Variants in CHL1 observed in about 807,000 individuals in gnomAD.
The protein encoded by CHL1 is neural cell adhesion molecule L1-like protein.
CHL1 carries 96 observed loss-of-function variants against 141.9 expected under a neutral mutation model. The ratio of observed to expected loss-of-function variants is 0.68; its 90% CI spans 0.57 to 0.80. The LOEUF is 0.80. Ranked by LOEUF, CHL1 falls within the 30% of genes least tolerant of loss-of-function variation. The probability of loss-of-function intolerance (pLI) is 0.00; values close to 1 mark genes in which losing one functional copy is unlikely to be tolerated. For synonymous variants in CHL1, 613 were observed against 502.2 expected (o/e 1.22, Z -2.95); for missense variants, 1,820 against 1,457.2 (o/e 1.25, Z -4.05).
chr3:250,462 G>A (rs1406294366), intron 2 of CHL1, among the ~76,000 whole-genome samples: 1 of 152,108 alleles, frequency 6.6e-6, no homozygotes, highest in Non-Finnish European at 1.5e-5. Flanking sequence ...CCTAGTGGAA[G>A]ATTAGGGTTA....
intron 16 of CHL1, 108 bp from the exon 17 acceptor site, chr3:382,071 T>C (rs920577584): frequency 1.2e-6 from 1 of 844,462 alleles, no homozygotes; most frequent in Non-Finnish European, 1.9e-6. Flanking sequence ...CCCAGGTCCC[T>C]AAGAGGGTGG....
intron 5 of CHL1, among the ~76,000 whole-genome samples, chr3:333,209 G>T (rs1701604281): frequency 7.5e-6 from 1 of 133,964 alleles, no homozygotes; most frequent in African/African-American, 2.7e-5. Flanking sequence ...AGCCTCTCCT[G>T]AAATTACTTC....
intron 2 of CHL1, among the ~76,000 whole-genome samples, chr3:274,777 T>G (rs3913286): frequency 0.099 from 15,059 of 152,228 alleles, 1,112 homozygotes; most frequent in East Asian, 0.42. Flanking sequence ...TCAAAACTGA[T>G]GCACAATTTT....
chr3:337,591 C>G (rs754711684), intron 5 of CHL1, among the ~76,000 whole-genome samples: 2 of 151,036 alleles, frequency 1.3e-5, no homozygotes, highest in African/African-American at 2.4e-5. Context: ...TGTTCAATTC[C>G]CACTTATGAG....
chr3:375,485 G>A (rs992192360), intron 15 of CHL1, among the ~76,000 whole-genome samples: 5 of 151,856 alleles, frequency 3.3e-5, no homozygotes, highest in African/African-American at 9.7e-5. Context: ...AGTTGAAGAT[G>A]CAAAGATGAA....
chr3:251,309 C>G (rs162738), intron 2 of CHL1, among the ~76,000 whole-genome samples: 1 of 151,938 alleles, frequency 6.6e-6, no homozygotes, highest in Non-Finnish European at 1.5e-5. Context: ...GTAGATAATG[C>G]ACTGAGAATG....
chr3:211,973 C>G (rs765810943), intron 1 of CHL1, among the ~76,000 whole-genome samples: 3 of 152,058 alleles, frequency 2.0e-5, no homozygotes, highest in Admixed American at 6.6e-5. Context: ...CTGATTTTGT[C>G]TTAAGTTATT....
chr3:333,101 C>T (rs1313693525), intron 5 of CHL1, among the ~76,000 whole-genome samples: 1 of 124,660 alleles, frequency 8.0e-6, no homozygotes, highest in South Asian at 2.7e-4. Flanking sequence ...TGGATCTGAG[C>T]TACGTTGTTG....
chr3:260,819 CA>C (rs1694648411), intron 2 of CHL1, among the ~76,000 whole-genome samples: 1 of 152,134 alleles, frequency 6.6e-6, no homozygotes, highest in South Asian at 2.1e-4. Context: ...CAATAAGAAA[CA>C]AATAAGATTA....
intron 10 of CHL1, among the ~76,000 whole-genome samples, chr3:350,024 G>A (rs1238985743): frequency 6.6e-6 from 1 of 152,170 alleles, no homozygotes; most frequent in Non-Finnish European, 1.5e-5. Flanking sequence ...GCAAATTGTT[G>A]TGTCAGCTCT....
intron 2 of CHL1, among the ~76,000 whole-genome samples, chr3:305,804 T>C (rs774113205): frequency 7.2e-5 from 11 of 151,950 alleles, no homozygotes; most frequent in Non-Finnish European, 1.6e-4. Context: ...AAATTTTTAC[T>C]GAATACGTTC....
intron 1 of CHL1, among the ~76,000 whole-genome samples, chr3:222,902 T>C (rs970814878): frequency 6.6e-6 from 1 of 152,182 alleles, no homozygotes; most frequent in Admixed American, 6.5e-5. Context: ...ATCCTTCATT[T>C]TTATAGCCAG....
At chr3:365,895 ATAACAAAG>A in intron 14 of CHL1, 47 bp from the exon 15 acceptor site, 1 of 1,464,692 alleles carries the variant, frequency 6.8e-7, no homozygotes, top group Non-Finnish European at 9.4e-7. Context: ...CAGGCACTTA[ATAACAAAG>A]TAAGTTACGC....
intron 2 of CHL1, among the ~76,000 whole-genome samples, chr3:318,721 C>T (rs1363482581): frequency 6.6e-6 from 1 of 150,954 alleles, no homozygotes; most frequent in Non-Finnish European, 1.5e-5. Context: ...TTCTTTTGTT[C>T]TTTATTATTT....
chr3:367,844 T>C (rs1402089636), intron 15 of CHL1, among the ~76,000 whole-genome samples: 1 of 152,064 alleles, frequency 6.6e-6, no homozygotes, highest in East Asian at 1.9e-4. Flanking sequence ...TCTGTGTCCA[T>C]ATGTTCTCAT....
chr3:395,858 AG>A (rs1708625263), intron 24 of CHL1, among the ~76,000 whole-genome samples: 1 of 152,158 alleles, frequency 6.6e-6, no homozygotes, highest in Non-Finnish European at 1.5e-5. Flanking sequence ...AACATCACAG[AG>A]GGGAAAAATA....
intron 8 of CHL1, among the ~76,000 whole-genome samples, chr3:344,200 G>A (rs983915104): frequency 6.6e-5 from 10 of 152,150 alleles, no homozygotes; most frequent in East Asian, 1.9e-4. Flanking sequence ...CAGAAACCTC[G>A]TTAAATTCTT....
intron 1 of CHL1, among the ~76,000 whole-genome samples, chr3:221,923 G>A (rs1200165461): frequency 6.6e-6 from 1 of 152,130 alleles, no homozygotes; most frequent in Non-Finnish European, 1.5e-5. Flanking sequence ...TTGATTTTAT[G>A]ACTTAGGTTT....
intron 1 of CHL1, among the ~76,000 whole-genome samples, chr3:230,372 C>T (rs1173654362): frequency 6.6e-6 from 1 of 152,164 alleles, no homozygotes; most frequent in Non-Finnish European, 1.5e-5. Context: ...GCATCCACAG[C>T]CTGTTCACAC....
Sources: allele counts gnomAD v4.1 joint callset (sites outside exome capture counted in the v4.1 genomes callset), GRCh38; gene constraint gnomAD v4.1.1; transcripts MANE v1.5; gene names NCBI Gene and HGNC (gene_info 2026-07-23, HGNC 2026-07-21).